ANAPC16: variants seen among roughly 807,000 people sequenced by gnomAD.
ANAPC16 encodes the protein anaphase-promoting complex subunit 16.
ANAPC16 carries 6 observed loss-of-function variants against 13.1 expected under a neutral mutation model. The observed-to-expected ratio is 0.46, with a 90% CI of 0.25 to 0.90. The LOEUF is 0.90. Among genes scored for constraint, ANAPC16 ranks in the 40% least tolerant of loss-of-function variants. The pLI is 0.18. For missense variants in ANAPC16, 113 were observed against 131.1 expected, an observed-to-expected ratio of 0.86 and a Z score of 0.67; for synonymous variants, 55 against 51.3, an observed-to-expected ratio of 1.07 and a Z score of -0.31.
intron 2 of ANAPC16, among the ~76,000 whole-genome samples, chr10:72,227,099 T>C (rs1392041398): frequency 1.3e-5 from 2 of 152,318 alleles, no homozygotes; most frequent in African/African-American, 2.4e-5. Flanking sequence ...CTTAAATTGC[T>C]TAATGAGTTT....
chr10:72,222,749 C>T (rs1306311211), intron 1 of ANAPC16, among the ~76,000 whole-genome samples: 2 of 152,126 alleles, frequency 1.3e-5, no homozygotes, highest in East Asian at 1.9e-4. Context: ...TGCACTCTAG[C>T]GTGGGCGACA....
chr10:72,230,281 G>A, intron 2 of ANAPC16, 85 bp from the exon 3 acceptor site: 1 of 1,039,894 alleles, frequency 9.6e-7, no homozygotes, highest in East Asian at 2.4e-5. Flanking sequence ...TACAAGCAGG[G>A]AAAAGAATAG....
rs1860385805 is a variant in ANAPC16, at chr10:72,233,396, T to C, written c.*280T>C. On this transcript the variant is annotated 3_prime_UTR_variant, in exon 4 of 4. Transcript: ENST00000299381. Reference sequence around the variant, plus strand: ...TTTGGGGTTAAGAGATACTCAAAAATTTTCACAAGCCAAGTAGGGCATATA... The same window carrying C: ...TTTGGGGTTAAGAGATACTCAAAAACTTTCACAAGCCAAGTAGGGCATATA... The C allele has an allele frequency of 3.3e-6, 1 of 307,358 alleles. No homozygotes were observed. Among genetic ancestry groups the C allele is most frequent in the Admixed American group, 4.4e-5 (1 of 22,862 alleles). The allele number at this position is 307,358 out of a possible 1,614,324, so 19.0% of individuals were successfully genotyped here. A position where few individuals can be genotyped will look rare whatever the true frequency, so the allele number is the denominator to read the frequency against.
intron 1 of ANAPC16, 141 bp downstream of exon 1, chr10:72,216,279 A>G (rs191655357): frequency 2.4e-3 from 375 of 158,592 alleles, no homozygotes; most frequent in Admixed American, 7.1e-3. Context: ...GCGATAGGAA[A>G]TTTCCCCAGG....
intron 1 of ANAPC16, among the ~76,000 whole-genome samples, chr10:72,219,721 A>G (rs761285405): frequency 2.2e-4 from 33 of 152,202 alleles, no homozygotes; most frequent in Non-Finnish European, 3.7e-4. Flanking sequence ...TGGGAAACAT[A>G]GCGACACTCT....
chr10:72,230,154 T>C (rs1860250805), intron 2 of ANAPC16, among the ~76,000 whole-genome samples: 1 of 152,132 alleles, frequency 6.6e-6, no homozygotes, highest in South Asian at 2.1e-4. Context: ...TTTTAAACTC[T>C]TAAGTAGAGG....
At chr10:72,224,700 A>G (rs1232462045) in intron 2 of ANAPC16, among the ~76,000 whole-genome samples, 1 of 151,172 alleles carries the variant, frequency 6.6e-6, no homozygotes, top group Non-Finnish European at 1.5e-5. Context: ...GCACCTGTCT[A>G]CCTCCCATGG....
At chr10:72,226,422 C>A (rs1269799995) in intron 2 of ANAPC16, among the ~76,000 whole-genome samples, 1 of 151,874 alleles carries the variant, frequency 6.6e-6, no homozygotes, top group Non-Finnish European at 1.5e-5. Context: ...ACCTGTAATC[C>A]CAGCACTTTG....
chr10:72,223,884 G>A lies in ANAPC16; in HGVS notation c.-27-4G>A. On this transcript the variant is annotated splice_polypyrimidine_tract_variant and splice_region_variant and intron_variant, in intron 1 of 3. Transcript: ENST00000299381. Reference sequence around the variant, plus strand: ...TGCCAATTGCTGTTTTTCTTTCTCTGTAGTGAAGTAAGAACTCTGCTAGAG... The same window carrying A: ...TGCCAATTGCTGTTTTTCTTTCTCTATAGTGAAGTAAGAACTCTGCTAGAG... 1 of 1,523,196 alleles carries A rather than the reference G, an allele frequency of 6.6e-7. No homozygotes were observed. Among genetic ancestry groups the A allele is most frequent in the Non-Finnish European group, 8.9e-7 (1 of 1,123,200 alleles). The allele number at this position is 1,523,196 out of a possible 1,614,324, so 94.4% of individuals were successfully genotyped here.
Position 72,233,350 on chromosome 10 carries a change from C to G in ANAPC16, c.*234C>G, listed in dbSNP as rs1424375205. On this transcript the variant is annotated 3_prime_UTR_variant, in exon 4 of 4. Transcript: ENST00000299381. ...GTATTGGGAATCAGATTAAGACAAT[C>G]AGTTTCAGAGAACCAGGAGGTTTGG... 2 of 433,802 alleles carry G rather than the reference C, an allele frequency of 4.6e-6. No individual in the cohort carries two copies. Among genetic ancestry groups the G allele is most frequent in the Admixed American group, 7.2e-5 (2 of 27,600 alleles). The allele number at this position is 433,802 out of a possible 1,614,324, so 26.9% of individuals were successfully genotyped here. A position where few individuals can be genotyped will look rare whatever the true frequency, so the allele number is the denominator to read the frequency against.
chr10:72,229,694 T>A (rs1267084774), intron 2 of ANAPC16, among the ~76,000 whole-genome samples: 1 of 152,186 alleles, frequency 6.6e-6, no homozygotes, highest in Non-Finnish European at 1.5e-5. Context: ...TGTTTCATGA[T>A]CATCTTCCAA....
chr10:72,220,256 G>A (rs1438223509), intron 1 of ANAPC16: 2 of 150,244 alleles, frequency 1.3e-5, no homozygotes, highest in African/African-American at 5.0e-5. Context: ...TTAAATCCGG[G>A]AGGCAGAGGT....
intron 2 of ANAPC16, among the ~76,000 whole-genome samples, chr10:72,225,379 A>T (rs1004241980): frequency 6.6e-6 from 1 of 152,100 alleles, no homozygotes; most frequent in Non-Finnish European, 1.5e-5. Flanking sequence ...TCCATTTTTT[A>T]CCAGCATCCA....
At chr10:72,230,562 C>T in intron 3 of ANAPC16, 122 bp downstream of exon 3, 3 of 791,618 alleles carry the variant, frequency 3.8e-6, no homozygotes, top group South Asian at 1.6e-5. Flanking sequence ...AATTAAAGAA[C>T]ATTCTAGGTC....
At chr10:72,221,193 G>A (rs927230558) in intron 1 of ANAPC16, among the ~76,000 whole-genome samples, 1 of 152,202 alleles carries the variant, frequency 6.6e-6, no homozygotes, top group East Asian at 1.9e-4. Flanking sequence ...TGGCATTACA[G>A]GCGTTAGCCA....
At chr10:72,226,078 C>T (rs1388609854) in intron 2 of ANAPC16, among the ~76,000 whole-genome samples, 1 of 148,778 alleles carries the variant, frequency 6.7e-6, no homozygotes, top group Non-Finnish European at 1.5e-5. Flanking sequence ...TGCAGTGGCT[C>T]GATCTTGGCT....
chr10:72,216,272 A>G (rs1859292573), intron 1 of ANAPC16, 134 bp downstream of exon 1: 1 of 158,630 alleles, frequency 6.3e-6, no homozygotes, highest in Admixed American at 6.1e-5. Flanking sequence ...CAGACGTGCG[A>G]TAGGAAATTT....
At chr10:72,216,693 A>G (rs2133617206) in intron 1 of ANAPC16, 3 of 379,784 alleles carry the variant, frequency 7.9e-6, no homozygotes, top group Non-Finnish European at 1.0e-5. Flanking sequence ...TCATAAATAT[A>G]TGAATGCGAG....
intron 1 of ANAPC16, among the ~76,000 whole-genome samples, chr10:72,222,471 T>TA (rs58236784): frequency 6.5e-4 from 91 of 139,472 alleles, no homozygotes; most frequent in East Asian, 1.8e-3. Context: ...TGTCTCTATT[T>TA]AAAAAAAAAA....
Sources: gnomAD v4.1 joint callset for allele counts (sites outside exome capture counted in the v4.1 genomes callset) on GRCh38, gnomAD v4.1.1 for gene constraint, MANE v1.5 for transcripts, NCBI Gene and HGNC (gene_info 2026-07-23, HGNC 2026-07-21) for gene names.